The following EYA2 variants were observed in gnomAD, a reference collection of about 807,000 sequenced individuals.
EYA2 encodes the protein EYA transcriptional coactivator and phosphatase 2, also known as protein phosphatase EYA2.
EYA2 carries 31 observed loss-of-function variants against 69.2 expected under a neutral mutation model. That is an observed-to-expected ratio of 0.45 (90% CI 0.34 to 0.60). The LOEUF (loss-of-function observed/expected upper bound fraction) is 0.60, where lower values mean the gene tolerates loss of function less well. Among genes scored for constraint, EYA2 ranks in the 20% least tolerant of loss-of-function variants. The pLI is 0.02. For missense variants in EYA2, 622 were observed against 701.2 expected (o/e 0.89, Z 1.28); for synonymous variants, 257 against 279.4 (o/e 0.92, Z 0.80).
intron 1 of EYA2, among the ~76,000 whole-genome samples, chr20:46,970,359 G>T (rs185550224): frequency 5.9e-5 from 9 of 152,288 alleles, no homozygotes; most frequent in Admixed American, 5.2e-4. Context: ...AACCAGGGTT[G>T]ATGTTGACCC....
chr20:46,912,423 C>G (rs1253829784), intron 1 of EYA2, among the ~76,000 whole-genome samples: 1 of 152,192 alleles, frequency 6.6e-6, no homozygotes, highest in African/African-American at 2.4e-5. Context: ...CCCATGATAA[C>G]TGTAACAGCT....
At chr20:47,083,155 A>G (rs1172660258) in intron 7 of EYA2, among the ~76,000 whole-genome samples, 1 of 151,942 alleles carries the variant, frequency 6.6e-6, no homozygotes. Flanking sequence ...ATACCACTGT[A>G]CTCCAGCCTG....
At chr20:47,114,159 TGG>T (rs958549280) in intron 9 of EYA2, among the ~76,000 whole-genome samples, 9 of 152,198 alleles carry the variant, frequency 5.9e-5, no homozygotes, top group African/African-American at 2.2e-4. Flanking sequence ...CTCTCATCCC[TGG>T]GGGCAGGGCA....
At chr20:47,087,810 G>A (rs545125522) in intron 7 of EYA2, among the ~76,000 whole-genome samples, 2 of 152,318 alleles carry the variant, frequency 1.3e-5, no homozygotes, top group African/African-American at 2.4e-5. Context: ...GTTGACTCCA[G>A]CCAGAACTCC....
intron 5 of EYA2, among the ~76,000 whole-genome samples, chr20:47,058,414 A>G (rs897429500): frequency 6.6e-6 from 1 of 152,224 alleles, no homozygotes; most frequent in African/African-American, 2.4e-5. Context: ...AGGTCCCACT[A>G]TATCCTGAGG....
intron 10 of EYA2, among the ~76,000 whole-genome samples, chr20:47,156,151 T>TATATAG: frequency 3.6e-5 from 1 of 27,584 alleles, no homozygotes; most frequent in Middle Eastern, 0.014. Context: ...TATATATATA[T>TATATAG]ATATATATAT....
At chr20:47,019,481 T>C (rs1169488281) in intron 5 of EYA2, among the ~76,000 whole-genome samples, 3 of 152,134 alleles carry the variant, frequency 2.0e-5, no homozygotes, top group Non-Finnish European at 2.9e-5. Context: ...TTAACTTTTT[T>C]TTTTTCTGAG....
In EYA2 at chr20:47,102,981, C is replaced by T. The variant is rs187576966; in HGVS notation, c.888+5813C>T. Among the ~76,000 whole-genome samples the T allele has an allele frequency of 2.0e-5, 3 of 152,298 alleles. No homozygotes were observed. In the East Asian group the frequency reaches 5.8e-4, roughly 29 times the overall value. ...TAAAAGAAATTAGTCAGCTTTCCTC[C>T]AGGGATTCATGGGGAGTTGCCCTGA... is the stretch of plus-strand genomic sequence containing the variant. On this transcript the variant is annotated intron_variant, in intron 9 of 15. Coordinates refer to ENST00000327619, the MANE Select transcript of EYA2 (RefSeq NM_005244.5).
chr20:46,985,538 C>T (rs1981125359), intron 1 of EYA2, among the ~76,000 whole-genome samples: 1 of 152,240 alleles, frequency 6.6e-6, no homozygotes, highest in Non-Finnish European at 1.5e-5. Flanking sequence ...AAGTGTCACA[C>T]TGCCGTCTCT....
intron 9 of EYA2, among the ~76,000 whole-genome samples, chr20:47,132,519 A>G (rs1416525528): frequency 1.3e-5 from 2 of 152,198 alleles, no homozygotes; most frequent in Non-Finnish European, 2.9e-5. Flanking sequence ...AGCCCTGGAA[A>G]GGACTCACTG....
At chr20:47,099,898 C>T (rs1445306659) in intron 9 of EYA2, among the ~76,000 whole-genome samples, 4 of 151,802 alleles carry the variant, frequency 2.6e-5, no homozygotes, top group Non-Finnish European at 5.9e-5. Context: ...TTTTTTATTT[C>T]CCCAACCACG....
At chr20:47,139,570 C>G (rs58140853) in intron 9 of EYA2, among the ~76,000 whole-genome samples, 1,927 of 152,280 alleles carry the variant, frequency 0.013, 36 homozygotes, top group African/African-American at 0.045. Context: ...GCTGGGATTA[C>G]AGGCATGCGC....
chr20:47,058,986 A>G (rs2030759419), intron 5 of EYA2, among the ~76,000 whole-genome samples: 1 of 152,222 alleles, frequency 6.6e-6, no homozygotes, highest in Admixed American at 6.5e-5. Flanking sequence ...CCGAAACACT[A>G]GTGCATGTTT....
chr20:46,962,041 T>C lies in EYA2; in HGVS notation c.-10-27960T>C, dbSNP rs555070096. On this transcript the variant is annotated intron_variant, in intron 1 of 15. Coordinates refer to ENST00000327619, the MANE Select transcript of EYA2 (RefSeq NM_005244.5). ...TTTCTTTCTTTCTTTCTTTTCTTTT[T>C]CTTTTTAAGACAGGATCTCACTGTT... Among the ~76,000 whole-genome samples, 5 of 152,374 alleles carry C rather than the reference T, an allele frequency of 3.3e-5. No individual in the cohort carries two copies. In the South Asian group the frequency reaches 8.3e-4, roughly 25 times the overall value.
intron 10 of EYA2, among the ~76,000 whole-genome samples, chr20:47,164,172 A>G (rs946226123): frequency 2.0e-5 from 3 of 152,098 alleles, no homozygotes; most frequent in African/African-American, 7.2e-5. Flanking sequence ...AGGCTCCCCC[A>G]TCCTCGTGGC....
intron 1 of EYA2, among the ~76,000 whole-genome samples, chr20:46,984,369 G>A (rs1233503675): frequency 7.7e-6 from 1 of 130,192 alleles, no homozygotes; most frequent in Non-Finnish European, 1.7e-5. Context: ...ATGCACTCCA[G>A]CAAATCAGTA....
intron 5 of EYA2, among the ~76,000 whole-genome samples, chr20:47,069,551 T>G (rs1430581038): frequency 1.3e-5 from 2 of 152,134 alleles, no homozygotes; most frequent in South Asian, 4.1e-4. Context: ...ATAGGATAGA[T>G]AAATCAGTGA....
intron 5 of EYA2, among the ~76,000 whole-genome samples, chr20:47,063,661 A>G (rs1401397471): frequency 1.3e-5 from 2 of 152,138 alleles, no homozygotes; most frequent in Non-Finnish European, 2.9e-5. Flanking sequence ...CATAGGTTAT[A>G]ACTTTGTAAC....
At chr20:47,142,162 T>A (rs1456581015) in intron 9 of EYA2, among the ~76,000 whole-genome samples, 2 of 152,192 alleles carry the variant, frequency 1.3e-5, no homozygotes, top group Admixed American at 6.5e-5. Context: ...TCTAAAAAAA[T>A]GTAAAAACCA....
Sources: gnomAD v4.1 joint callset for allele counts (sites outside exome capture counted in the v4.1 genomes callset) on GRCh38, gnomAD v4.1.1 for gene constraint, MANE v1.5 for transcripts, NCBI Gene and HGNC (gene_info 2026-07-23, HGNC 2026-07-21) for gene names.